DMXL1: variants seen among roughly 807,000 people sequenced by gnomAD.
DMXL1 encodes Dmx like 1.
In DMXL1, 99 loss-of-function variants were observed where a neutral mutation model predicts 319.2. The observed-to-expected ratio is 0.31, with a 90% CI of 0.26 to 0.37. The LOEUF (loss-of-function observed/expected upper bound fraction) is 0.37. DMXL1 is among the 10% of genes least tolerant of loss of function. The pLI, the probability that DMXL1 is intolerant of heterozygous loss-of-function variation, is 1.00. For synonymous variants in DMXL1, 1,385 were observed against 1,235.2 expected (o/e 1.12, Z -2.54); for missense variants, 3,745 against 3,595.6 (o/e 1.04, Z -1.06).
intron 1 of DMXL1, among the ~76,000 whole-genome samples, chr5:119,074,382 T>G (rs1369802615): frequency 3.9e-5 from 6 of 152,240 alleles, no homozygotes; most frequent in Non-Finnish European, 8.8e-5. Flanking sequence ...AAAAATTCTT[T>G]TATTCCTTTT....
At chr5:119,086,495 C>G (rs1273050074) in intron 1 of DMXL1, among the ~76,000 whole-genome samples, 1 of 152,094 alleles carries the variant, frequency 6.6e-6, no homozygotes, top group Non-Finnish European at 1.5e-5. Flanking sequence ...GTGATATGGG[C>G]TTGTAGTTTT....
rs1357051514 is a variant in DMXL1 at position 119,170,518 on chromosome 5, A to G, written c.5727A>G (p.Pro1909=). The G allele has an allele frequency of 1.2e-6, 2 of 1,613,618 alleles. No homozygotes were observed. The highest frequency in any genetic ancestry group is 2.2e-5 in the East Asian group (1 of 44,868). The change falls in exon 24 of 44, where the codon CCA becomes CCG. Residue 1909 remains proline (P), a synonymous_variant. Coordinates refer to ENST00000539542, the MANE Select transcript of DMXL1 (RefSeq NM_001290321.3). The stretch of plus-strand genomic sequence containing the variant: ...GTAAAGACTGTTCTCCTTCTTCTCC[A>G]TTAAAGTTGGATGCAAGGGAAGATA... ...DTSKDCSPSS[P]LKLDAREDKS... is the part of the protein sequence containing the mutation.
chr5:119,148,652 A>G (rs1206099226), intron 17 of DMXL1, 87 bp from the exon 18 acceptor site: 1 of 1,304,480 alleles, frequency 7.7e-7, no homozygotes, highest in Non-Finnish European at 1.1e-6. Context: ...TATAGTAGTT[A>G]ATACAAAAGA....
intron 19 of DMXL1, among the ~76,000 whole-genome samples, 181 bp from the exon 20 acceptor site, chr5:119,164,326 T>C (rs1200195864): frequency 6.6e-6 from 1 of 152,188 alleles, no homozygotes; most frequent in Non-Finnish European, 1.5e-5. Flanking sequence ...ATATATGTGC[T>C]CATTGGAGTG....
At chr5:119,214,257 T>C (rs1400233590) in intron 34 of DMXL1, among the ~76,000 whole-genome samples, 1 of 152,182 alleles carries the variant, frequency 6.6e-6, no homozygotes, top group Non-Finnish European at 1.5e-5. Flanking sequence ...TTTCCTTCTT[T>C]TATTCACACT....
intron 13 of DMXL1, among the ~76,000 whole-genome samples, chr5:119,141,873 G>T (rs954461519): frequency 6.6e-6 from 1 of 152,038 alleles, no homozygotes. Context: ...TATACTGCAG[G>T]GATACAGTAG....
chr5:119,147,421 A>T lies in DMXL1; in HGVS notation c.2862A>T (p.Glu954Asp). The change falls in exon 17 of 44, where the codon GAA (glutamate) becomes GAT (aspartate). Residue 954 changes from glutamate (E) to aspartate (D), a missense_variant. Glu to Asp is a conservative substitution (Grantham distance 45). Around this residue, in one of 4 missense-constraint regions of DMXL1, gnomAD observed 2,096 missense variants for 1,985.4 expected, o/e 1.06. Coordinates refer to ENST00000539542, the MANE Select transcript of DMXL1 (RefSeq NM_001290321.3). The stretch of plus-strand genomic sequence containing the variant: ...TTTCAGAAATGGTTTATAGCCAAGA[A>T]TTGCATTTACCAGAAGGAGTTGAGA... Reference protein sequence around the residue: ...TLFSEMVYSQELHLPEGVEII... With the variant: ...TLFSEMVYSQDLHLPEGVEII... 6.2e-7 allele frequency: 1 copy of T among 1,613,544 alleles called. No homozygotes were observed. The highest frequency in any genetic ancestry group is 8.5e-7 in the Non-Finnish European group (1 of 1,179,672).
intron 1 of DMXL1, among the ~76,000 whole-genome samples, chr5:119,083,830 G>T (rs1752741193): frequency 6.6e-6 from 1 of 152,090 alleles, no homozygotes; most frequent in African/African-American, 2.4e-5. Context: ...GAGCCACCGT[G>T]CCTGACCAGT....
chr5:119,131,915 T>G (rs535282170), intron 10 of DMXL1, among the ~76,000 whole-genome samples: 27 of 152,364 alleles, frequency 1.8e-4, no homozygotes, highest in African/African-American at 6.3e-4. Flanking sequence ...TGTATTAGTT[T>G]TGCTAAGGCA....
intron 4 of DMXL1, among the ~76,000 whole-genome samples, chr5:119,105,862 A>C (rs997686237): frequency 4.0e-5 from 6 of 151,336 alleles, no homozygotes; most frequent in Admixed American, 4.0e-4. Flanking sequence ...ATGCCATTGC[A>C]CTTCAGCCTG....
At chr5:119,152,445 A>G (rs1770022542) in intron 19 of DMXL1, among the ~76,000 whole-genome samples, 1 of 150,454 alleles carries the variant, frequency 6.6e-6, no homozygotes, top group African/African-American at 2.5e-5. Flanking sequence ...TAAATATTTC[A>G]CAGAGTACAG....
chr5:119,116,109 C>G, intron 6 of DMXL1, 49 bp from the exon 7 acceptor site: 2 of 1,526,998 alleles, frequency 1.3e-6, no homozygotes, highest in Non-Finnish European at 1.8e-6. Context: ...TTGATTTAAT[C>G]TTTAATTCTG....
rs201775532 is a variant in DMXL1, at chr5:119,073,410, G to GT, written c.87+1755dup. Among the ~76,000 whole-genome samples, 605 of 152,278 alleles carry GT rather than the reference G, an allele frequency of 4.0e-3. 10 individuals carry two copies. Among genetic ancestry groups the GT allele is most frequent in the South Asian group, 0.026 (127 of 4,820 alleles). On this transcript the variant is annotated intron_variant, in intron 1 of 43. Transcript: ENST00000539542. ...ATTCACAATCTATGTAAGCAGTGGTGTGAACTTCAAAGCATATGCAGTATG... is the reference window on the plus strand; with the variant it reads ...ATTCACAATCTATGTAAGCAGTGGTGTTGAACTTCAAAGCATATGCAGTATG...
At chr5:119,123,732 G>A (rs1762836333) in intron 9 of DMXL1, among the ~76,000 whole-genome samples, 1 of 151,538 alleles carries the variant, frequency 6.6e-6, no homozygotes, top group Non-Finnish European at 1.5e-5. Flanking sequence ...TTGGCCTCAA[G>A]CAATCTTCTT....
intron 34 of DMXL1, among the ~76,000 whole-genome samples, chr5:119,216,576 CTTGG>C (rs1460006933): frequency 6.6e-6 from 1 of 152,004 alleles, no homozygotes; most frequent in Non-Finnish European, 1.5e-5. Flanking sequence ...TGCTAGGAAA[CTTGG>C]TAAATACATT....
At chr5:119,098,451 T>G (rs548769102) in intron 2 of DMXL1, among the ~76,000 whole-genome samples, 1 of 30,118 alleles carries the variant, frequency 3.3e-5, no homozygotes, top group South Asian at 1.5e-3. Flanking sequence ...TTTAGAATAT[T>G]TTTTTTTTTT....
At chr5:119,232,209 A>G (rs1449073379) in intron 38 of DMXL1, among the ~76,000 whole-genome samples, 2 of 152,136 alleles carry the variant, frequency 1.3e-5, no homozygotes, top group Non-Finnish European at 2.9e-5. Context: ...AACCACCCCA[A>G]TTTATTTTTC....
rs1192629133 is a variant in DMXL1 at position 119,173,754 on chromosome 5, GTATA to G, written c.6682-1497_6682-1494del. Among the ~76,000 whole-genome samples, 231 of 77,974 alleles carry G rather than the reference GTATA, an allele frequency of 3.0e-3. 1 individual carries two copies. The highest frequency in any genetic ancestry group is 5.0e-3 in the Non-Finnish European group (184 of 36,980). 51.2% of individuals were successfully genotyped at this position (77,974 alleles called of 152,430 possible). On this transcript the variant is annotated intron_variant, in intron 25 of 43. Coordinates refer to ENST00000539542, the MANE Select transcript of DMXL1 (RefSeq NM_001290321.3). ...TATGTGTGTATATATATATGTGTGT[GTATA>G]TATATATATGTGTGTGTGTATATAT...
intron 1 of DMXL1, among the ~76,000 whole-genome samples, chr5:119,077,938 T>C (rs1751363673): frequency 6.6e-6 from 1 of 150,806 alleles, no homozygotes; most frequent in African/African-American, 2.4e-5. Context: ...TCTCTCCATG[T>C]AACCCAGGCT....
Sources: allele counts gnomAD v4.1 joint callset (sites outside exome capture counted in the v4.1 genomes callset), GRCh38; gene constraint gnomAD v4.1.1; regional missense constraint gnomAD v4.1.1; transcripts MANE v1.5; gene names NCBI Gene and HGNC (gene_info 2026-07-23, HGNC 2026-07-21).